The following ZNF730 variants were observed in gnomAD, a reference collection of about 807,000 sequenced individuals.
The protein encoded by ZNF730 is putative zinc finger protein 730.
A neutral mutation model predicts 12.6 loss-of-function variants in ZNF730; 12 were observed. That is an observed-to-expected ratio of 0.95 (90% confidence interval 0.61 to 1.54). The LOEUF (loss-of-function observed/expected upper bound fraction) is 1.54, where lower values mean the gene tolerates loss of function less well. Among genes scored for constraint, ZNF730 ranks in the 40% most tolerant of loss-of-function variants. The pLI, the probability that ZNF730 is intolerant of heterozygous loss-of-function variation, is 0.00. For synonymous variants in ZNF730, 194 were observed against 195.8 expected (o/e 0.99, Z 0.08); for missense variants, 643 against 583.5 (o/e 1.10, Z -1.05).
upstream of ZNF730, among the ~76,000 whole-genome samples, chr19:23,114,300 CTTTTCTTTTT>C (rs1179827468): frequency 1.7e-5 from 2 of 119,540 alleles, 1 homozygote; most frequent in African/African-American, 7.0e-5. Context: ...TTTTCTTTTT[CTTTTCTTTTT>C]TTTTTTTTTT....
chr19:23,137,242 AATTT>A (rs1334302637), intron 3 of ZNF730, among the ~76,000 whole-genome samples: 2 of 152,168 alleles, frequency 1.3e-5, no homozygotes, highest in East Asian at 3.8e-4. Context: ...AATATTTTTA[AATTT>A]ATTTGTGTCT....
chr19:23,139,650 G>C (rs376816377), intron 3 of ZNF730, among the ~76,000 whole-genome samples: 1 of 151,998 alleles, frequency 6.6e-6, no homozygotes, highest in South Asian at 2.1e-4. Flanking sequence ...TCAGCCTCCC[G>C]AGTAACTGGG....
At chr19:23,106,229 GA>G (rs1970391247) in intron 1 of ZNF730, among the ~76,000 whole-genome samples, 1 of 151,344 alleles carries the variant, frequency 6.6e-6, no homozygotes, top group African/African-American at 2.4e-5. Flanking sequence ...GAGGAGGAAG[GA>G]AAAGCAGGAG....
rs1226418456 is a variant in ZNF730, at chr19:23,146,270, C to T, written c.1226C>T (p.Ser409Leu). The part of the protein sequence containing the change: ...EECGKAFSRI[S>L]HLTTHKRIHT... ...TGTGGCAAAGCCTTTAGCCGTATCTCACACCTTACTACACATAAGAGAATT... is the reference window on the plus strand; with the variant it reads ...TGTGGCAAAGCCTTTAGCCGTATCTTACACCTTACTACACATAAGAGAATT... The change falls in exon 4 of 4, where the codon TCA becomes TTA. Residue 409 changes from serine to leucine, a missense_variant. Coordinates refer to ENST00000597761, the MANE Select transcript of ZNF730 (RefSeq NM_001277403.2). The T allele has an allele frequency of 1.2e-6, 2 of 1,613,764 alleles. No individual in the cohort carries two copies. The highest frequency in any genetic ancestry group is 1.7e-6 in the Non-Finnish European group (2 of 1,179,828).
intron 1 of ZNF730, among the ~76,000 whole-genome samples, chr19:23,097,776 T>C (rs1970277093): frequency 6.6e-6 from 1 of 152,100 alleles, no homozygotes; most frequent in African/African-American, 2.4e-5. Context: ...AGGTTATGGT[T>C]TCTGTGACAT....
At chr19:23,078,153 A>G (rs1010493877) in intron 1 of ZNF730, among the ~76,000 whole-genome samples, 1 of 152,144 alleles carries the variant, frequency 6.6e-6, no homozygotes, top group African/African-American at 2.4e-5. Context: ...CCAGCCTGAC[A>G]TGGGTAAAGG....
intron 1 of ZNF730, among the ~76,000 whole-genome samples, chr19:23,083,618 C>T (rs913481713): frequency 2.0e-5 from 3 of 150,980 alleles, no homozygotes; most frequent in African/African-American, 7.3e-5. Context: ...TAAGTATAGC[C>T]ATTCTAATAG....
At chr19:23,107,263 A>G (rs1005800489) in intron 1 of ZNF730, among the ~76,000 whole-genome samples, 3 of 151,314 alleles carry the variant, frequency 2.0e-5, no homozygotes, top group African/African-American at 7.3e-5. Flanking sequence ...GGGTTTCACC[A>G]TGTTGGCCAG....
chr19:23,091,133 A>G (rs1009144824), intron 1 of ZNF730, among the ~76,000 whole-genome samples: 5 of 152,198 alleles, frequency 3.3e-5, no homozygotes, highest in Non-Finnish European at 7.3e-5. Context: ...GCCAATGTAC[A>G]GCTTTGGCTG....
At chr19:23,140,162 A>G (rs1418936570) in intron 3 of ZNF730, among the ~76,000 whole-genome samples, 2 of 151,618 alleles carry the variant, frequency 1.3e-5, no homozygotes, top group African/African-American at 4.9e-5. Flanking sequence ...CAGATTTTCC[A>G]TGGTGTTTTT....
chr19:23,142,888 CTT>C (rs1970945156), intron 3 of ZNF730, among the ~76,000 whole-genome samples: 1 of 128,570 alleles, frequency 7.8e-6, no homozygotes, highest in South Asian at 2.5e-4. Context: ...TTCTTATTCT[CTT>C]TGTGTATCTA....
At chr19:23,124,747 A>G (rs1011374135) in intron 1 of ZNF730, among the ~76,000 whole-genome samples, 9 of 152,204 alleles carry the variant, frequency 5.9e-5, no homozygotes, top group Non-Finnish European at 1.2e-4. Context: ...GTTTTCTTGT[A>G]CTTGGGTGAA....
intron 1 of ZNF730, among the ~76,000 whole-genome samples, chr19:23,086,246 C>G (rs969884786): frequency 6.6e-6 from 1 of 152,200 alleles, no homozygotes; most frequent in African/African-American, 2.4e-5. Flanking sequence ...AATTTTCTCC[C>G]ATACCGTAGG....
intron 1 of ZNF730, among the ~76,000 whole-genome samples, chr19:23,091,038 G>A (rs537354839): frequency 1.3e-5 from 2 of 151,924 alleles, no homozygotes; most frequent in African/African-American, 4.8e-5. Context: ...TGGTTTTGTG[G>A]CCCGGGGCCC....
At chr19:23,120,506 G>A (rs1391076584) in intron 1 of ZNF730, among the ~76,000 whole-genome samples, 1 of 151,354 alleles carries the variant, frequency 6.6e-6, no homozygotes, top group Non-Finnish European at 1.5e-5. Flanking sequence ...ATTTTTGTGG[G>A]GTCAGTGGTA....
chr19:23,137,634 G>A (rs1970852953), intron 3 of ZNF730, among the ~76,000 whole-genome samples: 1 of 152,190 alleles, frequency 6.6e-6, no homozygotes, highest in South Asian at 2.1e-4. Context: ...TTGAGAATGG[G>A]CACAATATAG....
chr19:23,076,327 CCT>C (rs1441297151), intron 1 of ZNF730, among the ~76,000 whole-genome samples: 10 of 152,092 alleles, frequency 6.6e-5, no homozygotes, highest in Admixed American at 1.3e-4. Context: ...AGAAAATAAT[CCT>C]CTGTCACTCC....
chr19:23,140,571 A>G (rs964195187), intron 3 of ZNF730, among the ~76,000 whole-genome samples: 2 of 148,600 alleles, frequency 1.3e-5, no homozygotes, highest in African/African-American at 2.5e-5. Flanking sequence ...AAGTAGCGCC[A>G]CTGCACTCCA....
At chr19:23,127,853 C>T (rs1025362067) in intron 1 of ZNF730, 1 of 660,570 alleles carries the variant, frequency 1.5e-6, no homozygotes. Flanking sequence ...ATTGCTTATA[C>T]CCGTATAGAA....
Sources: gnomAD v4.1 joint callset for allele counts (sites outside exome capture counted in the v4.1 genomes callset) on GRCh38, gnomAD v4.1.1 for gene constraint, MANE v1.5 for transcripts, NCBI Gene and HGNC (gene_info 2026-07-23, HGNC 2026-07-21) for gene names.